MASP2: variants seen among roughly 807,000 people sequenced by gnomAD.
MASP2 encodes the protein MBL associated serine protease 2, also known as mannan-binding lectin serine protease 2.
In MASP2, 49 loss-of-function variants were observed where a neutral mutation model predicts 57.1. The ratio of observed to expected loss-of-function variants is 0.86; its 90% CI spans 0.68 to 1.09. The LOEUF is 1.09. MASP2 is among the 50% of genes least tolerant of loss of function. The pLI is 0.00. For missense variants in MASP2, 900 were observed against 874.8 expected (o/e 1.03, Z -0.36); for synonymous variants, 379 against 340.8 (o/e 1.11, Z -1.24).
At position 11,044,885 on chromosome 1, in the gene MASP2, C is replaced by T. The variant is rs1040886153; in HGVS notation, c.544+523G>A. 126 of 1,585,822 alleles carry T rather than the reference C, an allele frequency of 7.9e-5. No individual in the cohort carries two copies. In the African/African-American group the frequency reaches 1.5e-3, roughly 19 times the overall value. The stretch of plus-strand genomic sequence containing the variant: ...TCTCAGCCCAACCCGGAGCTGAGGC[C>T]AGCAGGCTGGCTCTGGCTTCTGACC... On this transcript the variant is annotated intron_variant, in intron 4 of 10. Transcript: ENST00000400897.
chr1:11,036,311 T>C (rs1446802626), intron 7 of MASP2, among the ~76,000 whole-genome samples: 1 of 150,820 alleles, frequency 6.6e-6, no homozygotes, highest in Non-Finnish European at 1.5e-5. Context: ...GAGACCATCC[T>C]GGCTAACAAG....
chr1:11,030,772 A>C lies in MASP2; in HGVS notation c.1198T>G (p.Phe400Val), dbSNP rs1292945175. Residue 400 changes from phenylalanine to valine, a missense_variant, in exon 9 of 11, where the codon TTC becomes GTC. By Grantham distance (50) the Phe-to-Val change is conservative. Transcript: ENST00000400897. Reference protein sequence around the residue: ...AVIQYSCEETFYTMKVNDGKY... With the variant: ...AVIQYSCEETVYTMKVNDGKY... ...CCATCATTCACTTTCATTGTGTAGA[A>C]GGTCTCTTCACAGCTGTACTGAATC... The C allele has an allele frequency of 1.2e-6, 2 of 1,611,400 alleles. No homozygotes were observed. Among genetic ancestry groups the C allele is most frequent in the African/African-American group, 1.3e-5 (1 of 74,800 alleles).
intron 10 of MASP2, chr1:11,029,812 AT>A (rs1291888323): frequency 6.1e-6 from 1 of 164,584 alleles, no homozygotes; most frequent in African/African-American, 2.4e-5. Flanking sequence ...CTAATTTTGT[AT>A]TTTTATTAGA....
chr1:11,045,833 G>C, intron 3 of MASP2: 3 of 479,708 alleles, frequency 6.3e-6, no homozygotes, highest in Non-Finnish European at 1.1e-5. Flanking sequence ...AGGGGGCGGG[G>C]CTACAGCGCT....
intron 8 of MASP2, among the ~76,000 whole-genome samples, chr1:11,034,245 A>C (rs1421704734): frequency 8.9e-6 from 1 of 112,000 alleles, no homozygotes; most frequent in Non-Finnish European, 1.6e-5. Context: ...CCTTCTCAGA[A>C]AAAAAAAAAA....
intron 4 of MASP2, 80 bp from the exon 5 acceptor site, chr1:11,043,615 G>C: frequency 1.0e-6 from 1 of 983,006 alleles, no homozygotes; most frequent in Admixed American, 2.2e-5. Context: ...GATGCCTTGG[G>C]GAGCAGGAAA....
At chr1:11,031,906 C>T (rs1031086046) in intron 8 of MASP2, among the ~76,000 whole-genome samples, 2 of 152,016 alleles carry the variant, frequency 1.3e-5, no homozygotes, top group Non-Finnish European at 2.9e-5. Context: ...GAGACTTTGT[C>T]TCCAAAACAA....
At chr1:11,040,338 G>A (rs1006345222) in intron 6 of MASP2, among the ~76,000 whole-genome samples, 3 of 151,574 alleles carry the variant, frequency 2.0e-5, no homozygotes, top group Non-Finnish European at 2.9e-5. Flanking sequence ...GCATGGTGGC[G>A]CATGCCTGTA....
At chr1:11,028,158 G>T (rs1643772040) in intron 10 of MASP2, among the ~76,000 whole-genome samples, 1 of 151,906 alleles carries the variant, frequency 6.6e-6, no homozygotes, top group Admixed American at 6.6e-5. Context: ...GGAGGCGGAG[G>T]TTGCAGTAAG....
intron 9 of MASP2, 191 bp downstream of exon 9, chr1:11,030,557 A>T (rs1643827191): frequency 1.6e-6 from 1 of 607,444 alleles, no homozygotes; most frequent in South Asian, 2.2e-5. Flanking sequence ...CATTTACTAG[A>T]TCTGTTTTCA....
chr1:11,031,593 G>C (rs1049500251), intron 8 of MASP2, among the ~76,000 whole-genome samples: 31 of 148,678 alleles, frequency 2.1e-4, no homozygotes, highest in Non-Finnish European at 4.1e-4. Context: ...CAATGTAAAA[G>C]GTTGCAATTT....
In MASP2 at chr1:11,030,419, G is replaced by A. The variant is rs558824017; in HGVS notation, c.1223-169C>T. On this transcript the variant is annotated intron_variant, in intron 9 of 10. Coordinates refer to ENST00000400897, the MANE Select transcript of MASP2 (RefSeq NM_006610.4). Reference sequence around the variant, plus strand: ...AAATAGGAGGTCTCTGCATTACCATGTTTGCTTGCAAAGTGGAAACCTTTT... The same window carrying A: ...AAATAGGAGGTCTCTGCATTACCATATTTGCTTGCAAAGTGGAAACCTTTT... 5.3e-4 allele frequency: 317 copies of A among 598,290 alleles called. 5 individuals carry two copies. The South Asian group carries it at 5.4e-3, about 10-fold the overall frequency. The allele number at this position is 598,290 out of a possible 1,614,324, so 37.1% of individuals were successfully genotyped here.
chr1:11,044,941 T>A, intron 4 of MASP2: 2 of 1,609,256 alleles, frequency 1.2e-6, no homozygotes, highest in Admixed American at 1.7e-5. Flanking sequence ...CAGGGGAGGC[T>A]AGAGGCTCTG....
Position 11,042,908 on chromosome 1 carries a change from G to C in MASP2, c.856C>G (p.His286Asp). ...ITFVTDESGD[H>D]TGWKIHYTST... ...GTGTAGTGGATCTTCCAGCCTGTGT[G>C]GTCTCCTGATTCATCTGTGACAAAG... Residue 286 changes from histidine (H) to aspartate (D), a missense_variant, in exon 6 of 11, where the codon CAC becomes GAC. Coordinates refer to ENST00000400897, the MANE Select transcript of MASP2 (RefSeq NM_006610.4). The C allele has an allele frequency of 6.2e-7, 1 of 1,613,952 alleles. No homozygotes were observed. Among genetic ancestry groups the C allele is most frequent in the East Asian group, 2.2e-5 (1 of 44,884 alleles).
chr1:11,045,391 C>G lies in MASP2; in HGVS notation c.544+17G>C. The G allele has an allele frequency of 6.2e-7, 1 of 1,612,678 alleles. No homozygotes were observed. The highest frequency in any genetic ancestry group is 1.1e-5 in the South Asian group (1 of 91,086). On this transcript the variant is annotated intron_variant, in intron 4 of 10. Coordinates refer to ENST00000400897, the MANE Select transcript of MASP2 (RefSeq NM_006610.4). The stretch of plus-strand genomic sequence containing the variant: ...TCCCAGGAGAGGGTGCGTTGGGGCC[C>G]AGGCAGCCTCCCTCACCTGAGCAGG...
At position 11,046,937 on chromosome 1, in the gene MASP2, T is replaced by G; in HGVS notation, c.188A>C (p.His63Pro). 6.4e-7 allele frequency: 1 copy of G among 1,571,930 alleles called. No homozygotes were observed. The highest frequency in any genetic ancestry group is 2.3e-5 in the East Asian group (1 of 42,730). The change falls in exon 2 of 11, where the codon CAC (histidine) becomes CCC (proline). Residue 63 changes from histidine (H) to proline (P), a missense_variant. Physicochemically the swap from His to Pro is moderately conservative, Grantham distance 77 (BLOSUM62 -2). Coordinates refer to ENST00000400897, the MANE Select transcript of MASP2 (RefSeq NM_006610.4). ...GAGGTGGGAGAGCTCCAGGTCGAAG[T>G]GGGTGAAGTAGAGGCGCAGGCGGTA... Reference protein sequence around the residue: ...PGYRLRLYFTHFDLELSHLCE... With the variant: ...PGYRLRLYFTPFDLELSHLCE...
intron 6 of MASP2, 77 bp downstream of exon 6, chr1:11,042,798 A>G (rs1638500813): frequency 1.3e-6 from 2 of 1,530,314 alleles, no homozygotes; most frequent in Non-Finnish European, 1.8e-6. Flanking sequence ...GGAGCCCTAC[A>G]CTCTACAGCT....
intron 6 of MASP2, 107 bp downstream of exon 6, chr1:11,042,768 T>G: frequency 7.6e-7 from 1 of 1,321,022 alleles, no homozygotes. Context: ...CTGGTGTCCC[T>G]TCCTAGTCCT....
rs755084670 is a variant in MASP2 at position 11,030,260 on chromosome 1, A to T, written c.1223-10T>A. 3.1e-5 allele frequency: 50 copies of T among 1,606,530 alleles called. No individual in the cohort carries two copies. The highest frequency in any genetic ancestry group is 4.0e-5 in the Non-Finnish European group (47 of 1,175,222). ...TCACACACATATTTACCTGCAAATC[A>T]TTGGAAAAGCAAAAATGTTTAACTG... On this transcript the variant is annotated splice_polypyrimidine_tract_variant and intron_variant, in intron 9 of 10. Transcript: ENST00000400897.
Sources: gnomAD v4.1 joint callset for allele counts (sites outside exome capture counted in the v4.1 genomes callset) on GRCh38, gnomAD v4.1.1 for gene constraint, MANE v1.5 for transcripts, NCBI Gene and HGNC (gene_info 2026-07-23, HGNC 2026-07-21) for gene names.